The following ERC1 variants were observed in gnomAD, a reference collection of about 807,000 sequenced individuals.
ERC1 encodes ELKS/RAB6-interacting/CAST family member 1.
ERC1 carries 56 observed loss-of-function variants against 132.0 expected under a neutral mutation model. The observed-to-expected ratio is 0.42, with a 90% CI of 0.34 to 0.53. ERC1 has a LOEUF of 0.53. ERC1 is among the 20% of genes least tolerant of loss of function. The pLI, the probability that ERC1 is intolerant of heterozygous loss-of-function variation, is 0.03. For missense variants in ERC1, 1,202 were observed against 1,349.9 expected, an observed-to-expected ratio of 0.89 and a Z score of 1.72; for synonymous variants, 478 against 476.1, an observed-to-expected ratio of 1.00 and a Z score of -0.05.
chr12:1,092,936 GCA>G (rs1375146333), intron 3 of ERC1, among the ~76,000 whole-genome samples: 2 of 152,176 alleles, frequency 1.3e-5, no homozygotes, highest in Non-Finnish European at 2.9e-5. Flanking sequence ...ACTCCAGCGT[GCA>G]GAGTGACACT....
rs1237506258 is a variant in ERC1 at position 1,400,930 on chromosome 12, T to A, written c.2926-7219T>A. Among the ~76,000 whole-genome samples, 350 of 96,222 alleles carry A rather than the reference T, an allele frequency of 3.6e-3. 10 individuals are homozygous for A. The highest frequency in any genetic ancestry group is 0.014 in the African/African-American group (337 of 24,624). 63.1% of individuals were successfully genotyped at this position (96,222 alleles called of 152,430 possible). On this transcript the variant is annotated intron_variant, in intron 16 of 18. Coordinates refer to ENST00000360905, the MANE Select transcript of ERC1 (RefSeq NM_178040.4). Reference sequence around the variant, plus strand: ...GCTATTTTTGTATTTTTTTTTTTTTTTTTTTTTTTTTTTTTTTTTTTTTGT... The same window carrying A: ...GCTATTTTTGTATTTTTTTTTTTTTATTTTTTTTTTTTTTTTTTTTTTTGT...
At chr12:1,043,331 C>T (rs2154161672) in intron 2 of ERC1, among the ~76,000 whole-genome samples, 1 of 152,274 alleles carries the variant, frequency 6.6e-6, no homozygotes, top group South Asian at 2.1e-4. Flanking sequence ...GCATGAGCCA[C>T]TGCGCCCGGC....
rs913524829 is a variant in ERC1, at chr12:1,182,152, G to A, written c.2016+87G>A. The stretch of plus-strand genomic sequence containing the variant: ...GTGTTTACATAATGCATATAAAAAA[G>A]TATTCGATGGAAAATTTTCTTAATA... On this transcript the variant is annotated intron_variant, in intron 10 of 18. Coordinates refer to ENST00000360905, the MANE Select transcript of ERC1 (RefSeq NM_178040.4). 12 of 1,265,192 alleles carry A rather than the reference G, an allele frequency of 9.5e-6. No individual in the cohort carries two copies. In the African/African-American group the frequency reaches 1.2e-4, roughly 13 times the overall value. The allele number at this position is 1,265,192 out of a possible 1,614,324, so 78.4% of individuals were successfully genotyped here. A position where few individuals can be genotyped will look rare whatever the true frequency, so the allele number is the denominator to read the frequency against.
intron 15 of ERC1, among the ~76,000 whole-genome samples, chr12:1,330,100 G>A (rs549429767): frequency 6.6e-6 from 1 of 152,204 alleles, no homozygotes; most frequent in Non-Finnish European, 1.5e-5. Context: ...TAACTAGGAA[G>A]TACAAGTTCA....
intron 18 of ERC1, among the ~76,000 whole-genome samples, chr12:1,452,254 A>G (rs2093440808): frequency 6.6e-6 from 1 of 151,140 alleles, no homozygotes; most frequent in Non-Finnish European, 1.5e-5. Context: ...TTTGGCTTGT[A>G]TAGTTTCTGT....
chr12:1,424,746 C>G (rs1194604479), intron 17 of ERC1, among the ~76,000 whole-genome samples: 2 of 151,928 alleles, frequency 1.3e-5, no homozygotes, highest in Non-Finnish European at 2.9e-5. Context: ...CTGTGATTCT[C>G]TCTACCCAGC....
chr12:1,318,010 T>C (rs939141108), intron 15 of ERC1, among the ~76,000 whole-genome samples: 4 of 152,146 alleles, frequency 2.6e-5, no homozygotes, highest in Admixed American at 6.5e-5. Context: ...AAAGACCTAA[T>C]CCTGAAATAG....
rs149848576 is a variant in ERC1, at chr12:1,450,682, A to G, written c.3213+5932A>G. On this transcript the variant is annotated intron_variant, in intron 18 of 18. Transcript: ENST00000360905. ...TCAAAAGAAGAGAAATTGCTGGACT[A>G]TGAGTTAACCCTATTTTCAATTTTT... Among the ~76,000 whole-genome samples the G allele has an allele frequency of 6.6e-5, 10 of 152,326 alleles. No individual in the cohort carries two copies. The East Asian group carries it at 1.9e-3, about 29-fold the overall frequency.
At position 1,495,871 on chromosome 12, in the gene ERC1, A is replaced by G. The variant is rs1324744762; in HGVS notation, c.*5641A>G. 5.2e-6 allele frequency: 1 copy of G among 193,068 alleles called. No homozygotes were observed. The highest frequency in any genetic ancestry group is 1.1e-5 in the Non-Finnish European group (1 of 92,684). 12.0% of individuals were successfully genotyped at this position (193,068 alleles called of 1,614,324 possible). On this transcript the variant is annotated 3_prime_UTR_variant, in exon 19 of 19. Coordinates refer to ENST00000360905, the MANE Select transcript of ERC1 (RefSeq NM_178040.4). ...GATAATTATTGTAAACACTTTGTTC[A>G]TTTTTTCTTTTTTATTCACAAACTA...
At chr12:1,161,760 G>C (rs1036974186) in intron 8 of ERC1, among the ~76,000 whole-genome samples, 5 of 152,110 alleles carry the variant, frequency 3.3e-5, no homozygotes, top group African/African-American at 7.2e-5. Context: ...TCTGTACTTT[G>C]CTTCTTGATT....
intron 2 of ERC1, among the ~76,000 whole-genome samples, chr12:1,051,663 G>C (rs943098296): frequency 2.0e-5 from 3 of 152,120 alleles, no homozygotes; most frequent in South Asian, 4.1e-4. Flanking sequence ...AGGCTGCAGT[G>C]AGTCCTGATC....
At chr12:1,243,255 G>GTGCATATT (rs1434782327) in intron 13 of ERC1, among the ~76,000 whole-genome samples, 6 of 151,774 alleles carry the variant, frequency 4.0e-5, no homozygotes, top group African/African-American at 1.5e-4. Context: ...ATGCGAAGAT[G>GTGCATATT]TGCATAGATT....
chr12:1,162,184 A>G (rs1199960240), intron 8 of ERC1, among the ~76,000 whole-genome samples: 1 of 152,214 alleles, frequency 6.6e-6, no homozygotes, highest in Non-Finnish European at 1.5e-5. Flanking sequence ...CGTGCTGTAC[A>G]ATGGGATTAG....
chr12:1,055,294 CT>C (rs1330133834), intron 2 of ERC1, among the ~76,000 whole-genome samples: 2 of 152,066 alleles, frequency 1.3e-5, no homozygotes, highest in Non-Finnish European at 2.9e-5. Flanking sequence ...ATTCTTGTGC[CT>C]CAGCCTCCCC....
At chr12:1,325,904 A>C (rs967425303) in intron 15 of ERC1, among the ~76,000 whole-genome samples, 1 of 152,080 alleles carries the variant, frequency 6.6e-6, no homozygotes, top group Admixed American at 6.6e-5. Flanking sequence ...TATTTGATCA[A>C]TTGTTACCAT....
chr12:1,079,696 G>A (rs1240065069), intron 2 of ERC1, among the ~76,000 whole-genome samples: 1 of 126,472 alleles, frequency 7.9e-6, no homozygotes, highest in Non-Finnish European at 1.8e-5. Context: ...GAAATGATTT[G>A]TAATATGACA....
At chr12:1,375,280 G>A (rs940805804) in intron 16 of ERC1, among the ~76,000 whole-genome samples, 1 of 152,136 alleles carries the variant, frequency 6.6e-6, no homozygotes, top group Non-Finnish European at 1.5e-5. Context: ...GAGAGAGAGC[G>A]ATCAAGCGAG....
intron 8 of ERC1, among the ~76,000 whole-genome samples, chr12:1,174,510 G>T (rs1953467102): frequency 6.6e-6 from 1 of 152,226 alleles, no homozygotes; most frequent in South Asian, 2.1e-4. Flanking sequence ...GAGTATATCA[G>T]CAGAAGTGTT....
intron 1 of ERC1, among the ~76,000 whole-genome samples, chr12:993,888 C>T (rs1263428543): frequency 3.3e-5 from 5 of 151,102 alleles, no homozygotes; most frequent in South Asian, 2.1e-4. Flanking sequence ...GGCTACAGAG[C>T]GAGATTCCAT....
Sources: gnomAD v4.1 joint callset for allele counts (sites outside exome capture counted in the v4.1 genomes callset) on GRCh38, gnomAD v4.1.1 for gene constraint, MANE v1.5 for transcripts, NCBI Gene and HGNC (gene_info 2026-07-23, HGNC 2026-07-21) for gene names.